Variants in SYNE1 observed in about 807,000 individuals in gnomAD.
The protein encoded by SYNE1 is spectrin repeat containing nuclear envelope protein 1.
SYNE1 carries 616 observed loss-of-function variants against 1,111.0 expected under a neutral mutation model. The observed-to-expected ratio is 0.55, with a 90% CI of 0.52 to 0.59. SYNE1 has a LOEUF of 0.59. Ranked by LOEUF, SYNE1 falls within the 20% of genes least tolerant of loss-of-function variation. SYNE1 has a pLI of 0.00. For synonymous variants in SYNE1, 3,855 were observed against 3,825.8 expected (o/e 1.01, Z -0.28); for missense variants, 10,006 against 10,417.0 (o/e 0.96, Z 1.72).
chr6:152,471,865 A>G lies in SYNE1; in HGVS notation c.1464-100T>C. The G allele has an allele frequency of 4.1e-6, 5 of 1,216,528 alleles. 2 individuals are homozygous for G. The South Asian group carries it at 6.3e-5, about 15-fold the overall frequency. 75.4% of individuals were successfully genotyped at this position (1,216,528 alleles called of 1,614,324 possible). ...TGTCAGCCTTAAATAGAATGCAGCCACAAGCTCTTCTAACTCTGGCTGATC... is the reference window on the plus strand; with the variant it reads ...TGTCAGCCTTAAATAGAATGCAGCCGCAAGCTCTTCTAACTCTGGCTGATC... On this transcript the variant is annotated intron_variant, in intron 15 of 145. Transcript: ENST00000367255.
intron 8 of SYNE1, among the ~76,000 whole-genome samples, chr6:152,506,669 G>A (rs1015567479): frequency 2.0e-5 from 3 of 151,958 alleles, no homozygotes; most frequent in Admixed American, 1.3e-4. Context: ...AGCCTCCCAA[G>A]TAGCTGGGAT....
In SYNE1 at chr6:152,325,154, C is replaced by G. The variant is rs752229373; in HGVS notation, c.15587G>C (p.Arg5196Pro). 1.2e-6 allele frequency: 2 copies of G among 1,614,180 alleles called. No homozygotes were observed. Among genetic ancestry groups the G allele is most frequent in the Non-Finnish European group, 1.7e-6 (2 of 1,180,036 alleles). The change falls in exon 81 of 146, where the codon CGA becomes CCA. Residue 5196 changes from arginine to proline, a missense_variant. By Grantham distance (103) the Arg-to-Pro change is moderately radical. Transcript: ENST00000367255. ...CTTCTCCTGGTCCTGGGCCACAGCT[C>G]GAAGGCGTGTCCAGCGCTGCCAGAC... ...TTVWQRWTRL[R>P]AVAQDQEKIL...
In SYNE1 at chr6:152,208,177, A is replaced by T; in HGVS notation, c.22619T>A (p.Leu7540His). 6.2e-7 allele frequency: 1 copy of T among 1,614,044 alleles called. No homozygotes were observed. Among genetic ancestry groups the T allele is most frequent in the Non-Finnish European group, 8.5e-7 (1 of 1,179,994 alleles). The change falls in exon 125 of 146, where the codon CTC (leucine) becomes CAC (histidine). Residue 7540 changes from leucine to histidine, a missense_variant. Leu to His is a moderately conservative substitution (Grantham distance 99). Around this residue, in one of 7 missense-constraint regions of SYNE1, gnomAD observed 2,182 missense variants for 2,287.8 expected, o/e 0.95. Transcript: ENST00000367255. ...RDEFNLKLTL[L>H]SNQWQGVIRR... ...AATCACTCCCTGCCATTGATTACTGAGGAGTGTCAATTTCAGGTTGAATTC... is the reference window on the plus strand; with the variant it reads ...AATCACTCCCTGCCATTGATTACTGTGGAGTGTCAATTTCAGGTTGAATTC...
intron 105 of SYNE1, among the ~76,000 whole-genome samples, chr6:152,246,524 TC>T (rs771256882): frequency 1.8e-4 from 28 of 152,080 alleles, no homozygotes; most frequent in Non-Finnish European, 2.6e-4. Context: ...AGGACGTTTC[TC>T]AAAAAGCGGA....
Position 152,413,406 on chromosome 6 carries a change from T to C in SYNE1, c.6176A>G (p.Glu2059Gly). Residue 2059 changes from glutamate to glycine, a missense_variant, in exon 42 of 146, where the codon GAG (glutamate) becomes GGG (glycine). Glu to Gly is a moderately conservative substitution (Grantham distance 98). Coordinates refer to ENST00000367255, the MANE Select transcript of SYNE1 (RefSeq NM_182961.4). ...DVAFAPEVDR[E>G]INRLEVTWDD... The stretch of plus-strand genomic sequence containing the variant: ...CCAGGTGACCTCTAAGCGGTTTATC[T>C]CCCTGTCAACTTCAGGTGCAAAAGC... The C allele has an allele frequency of 6.2e-7, 1 of 1,614,172 alleles. No homozygotes were observed. Among genetic ancestry groups the C allele is most frequent in the Non-Finnish European group, 8.5e-7 (1 of 1,180,008 alleles).
intron 50 of SYNE1, among the ~76,000 whole-genome samples, chr6:152,396,191 G>A (rs769815823): frequency 5.3e-5 from 8 of 152,188 alleles, no homozygotes; most frequent in Non-Finnish European, 1.0e-4. Flanking sequence ...TGTTTCTTAA[G>A]GGATTTTCAA....
intron 78 of SYNE1, 77 bp from the exon 79 acceptor site, chr6:152,326,710 T>A (rs2096075039): frequency 1.4e-6 from 2 of 1,401,172 alleles, no homozygotes; most frequent in Non-Finnish European, 2.0e-6. Flanking sequence ...TTCACTCATT[T>A]GTTTTCCAGT....
chr6:152,319,170 C>T (rs773127270), intron 84 of SYNE1, among the ~76,000 whole-genome samples, 155 bp from the exon 85 acceptor site: 5 of 152,240 alleles, frequency 3.3e-5, no homozygotes, highest in African/African-American at 7.2e-5. Flanking sequence ...ACAAGCCCTC[C>T]TGGCTTTCCC....
At chr6:152,615,225 A>G (rs1052011052) in intron 3 of SYNE1, among the ~76,000 whole-genome samples, 2 of 152,186 alleles carry the variant, frequency 1.3e-5, no homozygotes, top group African/African-American at 2.4e-5. Context: ...TTTAAAATGC[A>G]TATCTATTCC....
intron 93 of SYNE1, 148 bp from the exon 94 acceptor site, chr6:152,294,275 G>T: frequency 1.2e-6 from 1 of 805,894 alleles, no homozygotes; most frequent in South Asian, 1.6e-5. Flanking sequence ...AAACTCTTGT[G>T]ACAAGAAAAA....
chr6:152,541,757 A>AAG, intron 3 of SYNE1, among the ~76,000 whole-genome samples: 1 of 143,796 alleles, frequency 7.0e-6, no homozygotes, highest in Non-Finnish European at 1.5e-5. Flanking sequence ...CAAAAAAAAA[A>AAG]AAAAAAAAGA....
At chr6:152,223,100 G>A (rs1382878312) in intron 117 of SYNE1, among the ~76,000 whole-genome samples, 3 of 152,118 alleles carry the variant, frequency 2.0e-5, no homozygotes, top group African/African-American at 7.2e-5. Context: ...TCAAGGAAAA[G>A]ACCCTTAATC....
intron 128 of SYNE1, among the ~76,000 whole-genome samples, chr6:152,181,270 G>A (rs2068004554): frequency 6.6e-6 from 1 of 152,018 alleles, no homozygotes; most frequent in Non-Finnish European, 1.5e-5. Context: ...AAATTAGCCA[G>A]GTATGGTGGC....
intron 101 of SYNE1, among the ~76,000 whole-genome samples, chr6:152,261,054 G>A (rs752417315): frequency 1.3e-5 from 2 of 152,110 alleles, no homozygotes; most frequent in Non-Finnish European, 2.9e-5. Flanking sequence ...CAGCTCCAGC[G>A]TTTCCCTCCT....
At chr6:152,154,445 T>TACAC (rs56398921) in intron 133 of SYNE1, among the ~76,000 whole-genome samples, 8,417 of 143,176 alleles carry the variant, frequency 0.059, 510 homozygotes, top group African/African-American at 0.16. Flanking sequence ...TTTTATCAAA[T>TACAC]ACACACACAC....
At chr6:152,344,844 C>T (rs1209320711) in intron 73 of SYNE1, among the ~76,000 whole-genome samples, 3 of 152,048 alleles carry the variant, frequency 2.0e-5, no homozygotes, top group African/African-American at 7.2e-5. Flanking sequence ...AACAAGCCAA[C>T]CAATTTTCAT....
At chr6:152,244,918 G>T (rs548944335) in intron 105 of SYNE1, among the ~76,000 whole-genome samples, 71 of 152,090 alleles carry the variant, frequency 4.7e-4, no homozygotes, top group Non-Finnish European at 9.9e-4. Context: ...CTGGGAGAAG[G>T]ATGTCTTGCT....
At chr6:152,253,837 T>TG (rs2090111794) in intron 104 of SYNE1, among the ~76,000 whole-genome samples, 2 of 74,592 alleles carry the variant, frequency 2.7e-5, no homozygotes, top group South Asian at 4.6e-4. Flanking sequence ...TTTTTTTTTT[T>TG]TTTTTTTTTT....
rs794727886 is a variant in SYNE1 at position 152,350,660 on chromosome 6, A to T, written c.11691T>A (p.Asp3897Glu). The T allele has an allele frequency of 3.1e-6, 5 of 1,613,992 alleles. No individual in the cohort carries two copies. The highest frequency in any genetic ancestry group is 2.2e-5 in the East Asian group (1 of 44,868). ...VQDVTLKDKI[D>E]QLQSDYQDLC... ...GGTCCTGGTAATCACTTTGAAGTTG[A>T]TCTATTTTGTCCTTTAAAGTGACGT... Residue 3897 changes from aspartate to glutamate, a missense_variant, in exon 71 of 146, where the codon GAT becomes GAA. Physicochemically the swap from Asp to Glu is conservative, Grantham distance 45 (BLOSUM62 2). Coordinates refer to ENST00000367255, the MANE Select transcript of SYNE1 (RefSeq NM_182961.4).
Sources: gnomAD v4.1 joint callset for allele counts (sites outside exome capture counted in the v4.1 genomes callset) on GRCh38, gnomAD v4.1.1 for gene constraint, gnomAD v4.1.1 regional missense constraint, MANE v1.5 for transcripts, NCBI Gene and HGNC (gene_info 2026-07-23, HGNC 2026-07-21) for gene names.